Variants in ROBO1 observed in about 807,000 individuals in gnomAD.
ROBO1 encodes roundabout guidance receptor 1.
In ROBO1, 149 loss-of-function variants were observed where a neutral mutation model predicts 195.9. The ratio of observed to expected loss-of-function variants is 0.76; its 90% CI spans 0.67 to 0.87. ROBO1 has a LOEUF of 0.87. ROBO1 is among the 40% of genes least tolerant of loss of function. The pLI is 0.00. For synonymous variants in ROBO1, 816 were observed against 733.2 expected (o/e 1.11, Z -1.82); for missense variants, 1,933 against 2,068.3 (o/e 0.93, Z 1.27).
At chr3:78,638,735 A>G (rs1175155293) in intron 22 of ROBO1, among the ~76,000 whole-genome samples, 1 of 151,956 alleles carries the variant, frequency 6.6e-6, no homozygotes, top group Non-Finnish European at 1.5e-5. Flanking sequence ...TTAGCCAGGC[A>G]TGGTGGTGCG....
rs1451574968 is a variant in ROBO1, at chr3:79,699,082, T to TA, written c.-51+68669_-51+68670insT. Among the ~76,000 whole-genome samples the TA allele has an allele frequency of 4.0e-4, 53 of 132,032 alleles. No homozygotes were observed. The South Asian group carries it at 9.1e-3, about 23-fold the overall frequency. 86.6% of individuals were successfully genotyped at this position (132,032 alleles called of 152,430 possible). On this transcript the variant is annotated intron_variant, in intron 1 of 30. Transcript: ENST00000464233. The stretch of plus-strand genomic sequence containing the variant: ...TATAACTAAGATATATATTTATTAA[T>TA]TTATATATATATATATGACATTAAC...
At chr3:79,755,889 G>T (rs1284826836) in intron 1 of ROBO1, among the ~76,000 whole-genome samples, 4 of 152,162 alleles carry the variant, frequency 2.6e-5, no homozygotes, top group Non-Finnish European at 5.9e-5. Flanking sequence ...GTTTGCATGT[G>T]CAGGTGGCCA....
intron 2 of ROBO1, among the ~76,000 whole-genome samples, chr3:79,281,791 G>A (rs2031527622): frequency 6.6e-6 from 1 of 152,096 alleles, no homozygotes; most frequent in African/African-American, 2.4e-5. Context: ...TTTCTATTTT[G>A]CAAATGAGGC....
intron 2 of ROBO1, among the ~76,000 whole-genome samples, chr3:79,338,787 C>T (rs2109213598): frequency 6.6e-6 from 1 of 152,264 alleles, no homozygotes; most frequent in East Asian, 1.9e-4. Context: ...AATTTAAATA[C>T]TATGCGTATT....
At chr3:79,651,690 G>A (rs886541333) in intron 1 of ROBO1, among the ~76,000 whole-genome samples, 6 of 152,096 alleles carry the variant, frequency 3.9e-5, no homozygotes, top group Non-Finnish European at 8.8e-5. Flanking sequence ...AGCCTGAAGC[G>A]TTCATGGGTG....
chr3:78,848,657 G>A (rs2033832877), intron 4 of ROBO1, among the ~76,000 whole-genome samples: 1 of 152,092 alleles, frequency 6.6e-6, no homozygotes, highest in African/African-American at 2.4e-5. Flanking sequence ...GGAAAAATGA[G>A]GTCAGAAAGG....
intron 4 of ROBO1, among the ~76,000 whole-genome samples, chr3:78,793,789 TATGA>T (rs1160127636): frequency 1.3e-5 from 2 of 152,072 alleles, no homozygotes; most frequent in African/African-American, 2.4e-5. Flanking sequence ...GTTTTGGCCA[TATGA>T]ATGTGTCAAC....
At chr3:79,406,606 G>T (rs1176211330) in intron 2 of ROBO1, among the ~76,000 whole-genome samples, 1 of 151,664 alleles carries the variant, frequency 6.6e-6, no homozygotes, top group Admixed American at 6.6e-5. Context: ...TGTGTTTGGG[G>T]GTGTTGGTAG....
chr3:78,938,356 G>C (rs1245352654), intron 4 of ROBO1: 1 of 432,242 alleles, frequency 2.3e-6, no homozygotes, highest in Non-Finnish European at 4.2e-6. Context: ...CTTTCCAACA[G>C]AAAATCACTC....
At chr3:79,580,468 C>A (rs957950511) in intron 2 of ROBO1, among the ~76,000 whole-genome samples, 1 of 151,656 alleles carries the variant, frequency 6.6e-6, no homozygotes, top group African/African-American at 2.4e-5. Context: ...GGCAACAGAG[C>A]GAGACTCTGT....
intron 3 of ROBO1, among the ~76,000 whole-genome samples, chr3:78,971,315 G>C (rs922063370): frequency 6.6e-6 from 1 of 152,150 alleles, no homozygotes; most frequent in Non-Finnish European, 1.5e-5. Context: ...CCTAAGCCCG[G>C]GAGGCGGAGG....
intron 3 of ROBO1, among the ~76,000 whole-genome samples, chr3:78,959,825 C>A (rs1284325581): frequency 6.6e-6 from 1 of 152,100 alleles, no homozygotes. Context: ...ACAGATAGCA[C>A]AACATTTCAG....
At chr3:78,649,002 G>A (rs374854218) in intron 19 of ROBO1, among the ~76,000 whole-genome samples, 2 of 151,752 alleles carry the variant, frequency 1.3e-5, no homozygotes, top group East Asian at 1.9e-4. Context: ...CCTGGCCTTC[G>A]TGTGCAGCAC....
chr3:79,071,815 A>AT (rs1180125163), intron 3 of ROBO1, among the ~76,000 whole-genome samples: 417 of 150,010 alleles, frequency 2.8e-3, no homozygotes, highest in African/African-American at 9.3e-3. Flanking sequence ...ACGGCAGAGT[A>AT]TTTTTTTTTG....
At chr3:78,937,900 A>C (rs1419241074) in intron 4 of ROBO1, 4 of 151,998 alleles carry the variant, frequency 2.6e-5, no homozygotes, top group Non-Finnish European at 4.4e-5. Context: ...AGTTGAAGGT[A>C]TTTTTCTTAA....
chr3:79,347,611 A>G (rs546991565), intron 2 of ROBO1, among the ~76,000 whole-genome samples: 169 of 152,320 alleles, frequency 1.1e-3, no homozygotes, highest in African/African-American at 3.8e-3. Context: ...AATATTTTCA[A>G]CTACAGACAA....
chr3:78,867,012 T>C (rs2035225733), intron 4 of ROBO1, among the ~76,000 whole-genome samples: 1 of 152,212 alleles, frequency 6.6e-6, no homozygotes, highest in African/African-American at 2.4e-5. Context: ...TTCCACTACG[T>C]TTGCCATTTG....
At chr3:78,600,785 T>A (rs1650719049) in intron 29 of ROBO1, among the ~76,000 whole-genome samples, 1 of 151,998 alleles carries the variant, frequency 6.6e-6, no homozygotes, top group African/African-American at 2.4e-5. Flanking sequence ...ACAGATGAGA[T>A]AATAAAATAT....
At chr3:78,659,832 G>A (rs763372037) in intron 16 of ROBO1, 25 bp from the exon 17 acceptor site, 2 of 1,586,338 alleles carry the variant, frequency 1.3e-6, no homozygotes, top group Non-Finnish European at 1.7e-6. Flanking sequence ...TAAAAGGTAG[G>A]TTATTAGAAT....
Sources: gnomAD v4.1 joint callset for allele counts (sites outside exome capture counted in the v4.1 genomes callset) on GRCh38, gnomAD v4.1.1 for gene constraint, MANE v1.5 for transcripts, NCBI Gene and HGNC (gene_info 2026-07-23, HGNC 2026-07-21) for gene names.